APOLD1: variants seen among roughly 807,000 people sequenced by gnomAD.
The protein encoded by APOLD1 is apolipoprotein L domain containing 1, also known as apolipoprotein L domain-containing protein 1.
A neutral mutation model predicts 15.3 loss-of-function variants in APOLD1; 22 were observed. That is an observed-to-expected ratio of 1.44 (90% CI 1.03 to 2.05). APOLD1 has a LOEUF of 2.05. Ranked by LOEUF, APOLD1 falls within the 30% of genes most tolerant of loss-of-function variation. The pLI, the probability that APOLD1 is intolerant of heterozygous loss-of-function variation, is 0.00. For missense variants in APOLD1, 394 were observed against 353.5 expected (o/e 1.11, Z -0.92); for synonymous variants, 190 against 167.4 (o/e 1.13, Z -1.04).
chr12:12,729,894 G>A (rs1249946562), intron 1 of APOLD1, among the ~76,000 whole-genome samples: 1 of 151,652 alleles, frequency 6.6e-6, no homozygotes, highest in Non-Finnish European at 1.5e-5. Flanking sequence ...TTGAGACCAG[G>A]TCTCACTCTG....
intron 1 of APOLD1, among the ~76,000 whole-genome samples, chr12:12,730,318 C>A (rs1169311312): frequency 1.3e-5 from 2 of 152,154 alleles, no homozygotes; most frequent in Admixed American, 1.3e-4. Context: ...ATTTCAGGCT[C>A]TGGAATCCTA....
rs1031092231 is a variant in APOLD1 at position 12,790,754 on chromosome 12, C to T, written c.*3102C>T. 2.6e-5 allele frequency: 4 copies of T among 152,182 alleles called. No individual in the cohort carries two copies. The highest frequency in any genetic ancestry group is 5.9e-5 in the Non-Finnish European group (4 of 68,042). 9.4% of individuals were successfully genotyped at this position (152,182 alleles called of 1,614,324 possible). A position where few individuals can be genotyped will look rare whatever the true frequency, so the allele number is the denominator to read the frequency against. The stretch of plus-strand genomic sequence containing the variant: ...GTTGACAACAAAAGATCATCCATCG[C>T]CTTATGTGTGAGTAAGATTGGAGCC... On this transcript the variant is annotated 3_prime_UTR_variant, in exon 2 of 2. Coordinates refer to ENST00000356591, the MANE Select transcript of APOLD1 (RefSeq NM_030817.3).
Position 12,789,620 on chromosome 12 carries a change from G to C in APOLD1, c.*1968G>C, listed in dbSNP as rs1390863474. ...AAATCGCTTGTCTTATGGTGGTGAT[G>C]TGTTGCATTTTCACTTTGGGGTCTG... On this transcript the variant is annotated 3_prime_UTR_variant, in exon 2 of 2. Coordinates refer to ENST00000356591, the MANE Select transcript of APOLD1 (RefSeq NM_030817.3). The C allele has an allele frequency of 6.6e-6, 1 of 152,214 alleles. No homozygotes were observed. The highest frequency in any genetic ancestry group is 6.5e-5 in the Admixed American group (1 of 15,280). 9.4% of individuals were successfully genotyped at this position (152,214 alleles called of 1,614,324 possible).
chr12:12,751,939 G>A (rs1230950906), intron 1 of APOLD1, among the ~76,000 whole-genome samples: 4 of 152,160 alleles, frequency 2.6e-5, no homozygotes, highest in South Asian at 2.1e-4. Context: ...GGAAGAAGCC[G>A]TAAGTCAAGG....
At chr12:12,765,688 T>C (rs941823332) in intron 1 of APOLD1, among the ~76,000 whole-genome samples, 1 of 152,110 alleles carries the variant, frequency 6.6e-6, no homozygotes, top group Non-Finnish European at 1.5e-5. Context: ...CTGGGCAACA[T>C]GGTGAAACCC....
chr12:12,780,175 C>G (rs555762495), intron 1 of APOLD1, among the ~76,000 whole-genome samples: 1 of 151,946 alleles, frequency 6.6e-6, no homozygotes, highest in East Asian at 1.9e-4. Context: ...TTCTAGAGCA[C>G]TTACATTCTG....
At chr12:12,730,698 AG>A (rs554114971) in intron 1 of APOLD1, among the ~76,000 whole-genome samples, 2,125 of 120,630 alleles carry the variant, frequency 0.018, 109 homozygotes, top group African/African-American at 0.06. Context: ...AAAAAAAAAA[AG>A]AAAGAAAGAA....
upstream of APOLD1, chr12:12,785,641 T>C (rs1947117563): frequency 6.2e-7 from 1 of 1,614,196 alleles, no homozygotes; most frequent in Non-Finnish European, 8.5e-7. Flanking sequence ...TAAAGCACAC[T>C]CATCCAGAAA....
chr12:12,775,465 A>G (rs1433126373), intron 1 of APOLD1, among the ~76,000 whole-genome samples: 1 of 152,242 alleles, frequency 6.6e-6, no homozygotes, highest in Non-Finnish European at 1.5e-5. Context: ...ATGTAGGTTC[A>G]TGAATTGTAA....
rs1947162914 is a variant in APOLD1 at position 12,789,320 on chromosome 12, C to G, written c.*1668C>G. 6.6e-6 allele frequency: 1 copy of G among 152,134 alleles called. No individual in the cohort carries two copies. Among genetic ancestry groups the G allele is most frequent in the Non-Finnish European group, 1.5e-5 (1 of 68,032 alleles). 9.4% of individuals were successfully genotyped at this position (152,134 alleles called of 1,614,324 possible). On this transcript the variant is annotated 3_prime_UTR_variant, in exon 2 of 2. Coordinates refer to ENST00000356591, the MANE Select transcript of APOLD1 (RefSeq NM_030817.3). ...TCTCCTTCAGGGAGATTCTTTTTCTCTAGTGTTTTAAGTGATCCTTTGAAG... is the reference window on the plus strand; with the variant it reads ...TCTCCTTCAGGGAGATTCTTTTTCTGTAGTGTTTTAAGTGATCCTTTGAAG...
At chr12:12,737,154 A>G (rs531185157) in intron 1 of APOLD1, among the ~76,000 whole-genome samples, 1 of 152,350 alleles carries the variant, frequency 6.6e-6, no homozygotes, top group South Asian at 2.1e-4. Context: ...TGTTTTGGCC[A>G]AATGATTCAT....
chr12:12,786,832 C>G, intron 1 of APOLD1, 77 bp from the exon 2 acceptor site: 1 of 1,324,506 alleles, frequency 7.5e-7, no homozygotes, highest in Non-Finnish European at 9.6e-7. Context: ...CAAGTTCCCG[C>G]TGGCGTCCGG....
chr12:12,758,351 C>T (rs1303719666), intron 1 of APOLD1, among the ~76,000 whole-genome samples: 1 of 151,914 alleles, frequency 6.6e-6, no homozygotes, highest in African/African-American at 2.4e-5. Flanking sequence ...TCGAGACCAG[C>T]CTGGTCAACA....
At chr12:12,767,538 A>G (rs1181123165) in intron 1 of APOLD1, among the ~76,000 whole-genome samples, 1 of 151,912 alleles carries the variant, frequency 6.6e-6, no homozygotes, top group Non-Finnish European at 1.5e-5. Context: ...GCCCGCGCCT[A>G]TAATTTCAGC....
At chr12:12,730,077 T>TGTGTGTGA (rs1300290267) in intron 1 of APOLD1, among the ~76,000 whole-genome samples, 1 of 81,552 alleles carries the variant, frequency 1.2e-5, no homozygotes, top group Non-Finnish European at 2.3e-5. Flanking sequence ...TGTGTGTGTG[T>TGTGTGTGA]GAGAGAGAGA....
chr12:12,742,927 C>T (rs549551333), intron 1 of APOLD1, among the ~76,000 whole-genome samples: 1 of 152,204 alleles, frequency 6.6e-6, no homozygotes, highest in Non-Finnish European at 1.5e-5. Flanking sequence ...ACCACCCTGG[C>T]TAATTTTTTG....
chr12:12,755,656 C>T (rs924876141), intron 1 of APOLD1, among the ~76,000 whole-genome samples: 6 of 152,144 alleles, frequency 3.9e-5, no homozygotes, highest in African/African-American at 1.2e-4. Context: ...GCCTGGACAA[C>T]ATGGAGAAAC....
rs761966488 is a variant in APOLD1, at chr12:12,787,173, G to A, written c.268G>A (p.Val90Met). The change falls in exon 2 of 2, where the codon GTG becomes ATG. Residue 90 changes from valine to methionine, a missense_variant. Val to Met is a conservative substitution (Grantham distance 21, BLOSUM62 1). Transcript: ENST00000356591. The surrounding 1 kb of genome is among the most constrained non-coding windows in gnomAD (Gnocchi z 4.9). ...TLGTSLLVSA[V>M]GLGVATAGGA... ...GGGGACCTCGCTGCTGGTGTCGGCCGTGGGGCTGGGGGTGGCCACAGCCGG... is the reference window on the plus strand; with the variant it reads ...GGGGACCTCGCTGCTGGTGTCGGCCATGGGGCTGGGGGTGGCCACAGCCGG... The A allele has an allele frequency of 1.3e-6, 2 of 1,528,904 alleles. No homozygotes were observed. The highest frequency in any genetic ancestry group is 1.7e-6 in the Non-Finnish European group (2 of 1,148,568). 94.7% of individuals were successfully genotyped at this position (1,528,904 alleles called of 1,614,324 possible).
At chr12:12,728,548 G>A (rs1946611718) in intron 1 of APOLD1, among the ~76,000 whole-genome samples, 1 of 151,364 alleles carries the variant, frequency 6.6e-6, no homozygotes, top group Non-Finnish European at 1.5e-5. Flanking sequence ...GCTGCCTGTA[G>A]TCCCAGCTAC....
Sources: gnomAD v4.1 joint callset for allele counts (sites outside exome capture counted in the v4.1 genomes callset) on GRCh38, gnomAD v4.1.1 for gene constraint, Gnocchi (gnomAD v3.1) non-coding constraint, MANE v1.5 for transcripts, NCBI Gene and HGNC (gene_info 2026-07-23, HGNC 2026-07-21) for gene names.